Variants in PTPRD observed in about 807,000 individuals in gnomAD.
PTPRD encodes the protein protein tyrosine phosphatase receptor type D, also known as receptor-type tyrosine-protein phosphatase delta.
In PTPRD, 34 loss-of-function variants were observed where a neutral mutation model predicts 214.5. The observed-to-expected ratio is 0.16, with a 90% CI of 0.12 to 0.21. The LOEUF is 0.21. Among genes scored for constraint, PTPRD ranks in the 10% least tolerant of loss-of-function variants. The pLI is 1.00. For missense variants in PTPRD, 2,545 were observed against 2,398.7 expected (o/e 1.06, Z -1.27); for synonymous variants, 1,128 against 845.7 (o/e 1.33, Z -5.79).
intron 9 of PTPRD, among the ~76,000 whole-genome samples, chr9:9,373,772 G>T (rs1239369192): frequency 1.3e-5 from 2 of 152,042 alleles, no homozygotes; most frequent in African/African-American, 4.8e-5. Flanking sequence ...GACTATGCAG[G>T]GTGAAATTCA....
chr9:8,754,133 A>C (rs772996465), intron 11 of PTPRD, among the ~76,000 whole-genome samples: 8 of 151,416 alleles, frequency 5.3e-5, no homozygotes, highest in Non-Finnish European at 1.2e-4. Flanking sequence ...TGACAGAGCG[A>C]GACTCCATCT....
At chr9:8,726,040 C>G (rs1482255021) in intron 12 of PTPRD, among the ~76,000 whole-genome samples, 1 of 147,560 alleles carries the variant, frequency 6.8e-6, no homozygotes, top group Non-Finnish European at 1.5e-5. Flanking sequence ...CACACACACA[C>G]ACACACACAC....
rs148036640 is a variant in PTPRD at position 8,339,000 on chromosome 9, C to T, written c.5301G>A (p.Gln1767=). The T allele has an allele frequency of 2.0e-5, 32 of 1,612,398 alleles. No homozygotes were observed. The African/African-American group carries it at 4.0e-4, about 20-fold the overall frequency. The stretch of plus-strand genomic sequence containing the variant: ...CAGCCATGGGATCTACAACAAAGTA[C>T]TGGTATCTTGCAGACCGTTCTGCTG... ...YWPAERSARY[Q]YFVVDPMAEY... is the part of the protein sequence containing the mutation. Residue 1767 remains glutamine (Q), a synonymous_variant, in exon 43 of 46, where the codon CAG becomes CAA. Coordinates refer to ENST00000381196, the MANE Select transcript of PTPRD (RefSeq NM_002839.4).
chr9:9,568,643 C>G lies in PTPRD; in HGVS notation c.-237+6089G>C, dbSNP rs111856623. Among the ~76,000 whole-genome samples, 91 of 151,990 alleles carry G rather than the reference C, an allele frequency of 6.0e-4. 1 individual carries two copies. Among genetic ancestry groups the G allele is most frequent in the Middle Eastern group, 3.4e-3 (1 of 294 alleles). ...TTTATAGGTTTTCCTACATGCTTTC[C>G]TCTATGACGTTTACACATTTTTTTA... On this transcript the variant is annotated intron_variant, in intron 8 of 45. Coordinates refer to ENST00000381196, the MANE Select transcript of PTPRD (RefSeq NM_002839.4).
In PTPRD at chr9:10,006,934, A is replaced by T. The variant is rs986385315; in HGVS notation, c.-472+26784T>A. 2.6e-5 allele frequency among the ~76,000 whole-genome samples: 4 copies of T among 152,036 alleles called. No individual in the cohort carries two copies. The East Asian group carries it at 7.7e-4, about 29-fold the overall frequency. ...AAAATTTCTTTTAAAATTATTTTCC[A>T]ATAATAATAATGTTATTGCTGGTAT... On this transcript the variant is annotated intron_variant, in intron 4 of 45. Coordinates refer to ENST00000381196, the MANE Select transcript of PTPRD (RefSeq NM_002839.4).
chr9:9,433,278 A>G (rs1346388634), intron 8 of PTPRD, among the ~76,000 whole-genome samples: 1 of 152,162 alleles, frequency 6.6e-6, no homozygotes, highest in African/African-American at 2.4e-5. Context: ...AAGCTTATTG[A>G]AGTGTTGATC....
intron 14 of PTPRD, among the ~76,000 whole-genome samples, chr9:8,556,426 G>A (rs1006589153): frequency 6.6e-6 from 1 of 152,114 alleles, no homozygotes; most frequent in African/African-American, 2.4e-5. Context: ...GGCCAATCAT[G>A]GACTTTCTAA....
At chr9:9,247,468 T>C (rs770823131) in intron 9 of PTPRD, among the ~76,000 whole-genome samples, 1 of 152,116 alleles carries the variant, frequency 6.6e-6, no homozygotes, top group Non-Finnish European at 1.5e-5. Context: ...TTTTTTCCTG[T>C]TAACCATCTT....
intron 2 of PTPRD, among the ~76,000 whole-genome samples, chr9:10,483,150 C>T (rs2099111345): frequency 6.6e-6 from 1 of 152,220 alleles, no homozygotes; most frequent in Non-Finnish European, 1.5e-5. Context: ...ACCAACTGAT[C>T]ATCAACAAAT....
chr9:8,904,549 G>C (rs923978051), intron 11 of PTPRD, among the ~76,000 whole-genome samples: 2 of 151,838 alleles, frequency 1.3e-5, no homozygotes, highest in African/African-American at 4.8e-5. Flanking sequence ...GCGCATGCCT[G>C]TAGTCCCAGC....
intron 8 of PTPRD, among the ~76,000 whole-genome samples, chr9:9,534,220 T>C (rs965285828): frequency 7.2e-5 from 11 of 152,136 alleles, no homozygotes; most frequent in Non-Finnish European, 1.3e-4. Context: ...CTATAAAATA[T>C]GATGAGAAAT....
At position 8,316,109 on chromosome 9, in the gene PTPRD, T is replaced by C. The variant is rs139671444; in HGVS notation, c.*1765A>G. The C allele has an allele frequency of 1.3e-5, 3 of 229,626 alleles. No individual in the cohort carries two copies. The highest frequency in any genetic ancestry group is 2.2e-5 in the African/African-American group (1 of 45,088). The allele number at this position is 229,626 out of a possible 1,614,324, so 14.2% of individuals were successfully genotyped here. The stretch of plus-strand genomic sequence containing the variant: ...ATAAAACAAGTAGCTTTTTCTGATG[T>C]TGATGATTGATTATAAAAGGAAGAA... On this transcript the variant is annotated 3_prime_UTR_variant, in exon 46 of 46. Transcript: ENST00000381196.
At chr9:9,585,743 G>A (rs778456263) in intron 7 of PTPRD, among the ~76,000 whole-genome samples, 13 of 152,008 alleles carry the variant, frequency 8.6e-5, no homozygotes, top group African/African-American at 2.2e-4. Context: ...ATGTGAATAC[G>A]TAGGTACTAT....
chr9:8,484,121 T>A lies in PTPRD; in HGVS notation c.3411A>T (p.Ile1137=), dbSNP rs769526067. 1 of 1,612,996 alleles carries A rather than the reference T, an allele frequency of 6.2e-7. No homozygotes were observed. The highest frequency in any genetic ancestry group is 2.2e-5 in the East Asian group (1 of 44,824). Residue 1137 remains isoleucine (I), a splice_region_variant and synonymous_variant, in exon 30 of 46, where the codon ATA becomes ATT. Transcript: ENST00000381196. ...QLPEVPANEN[I]KGYYIIIVPL... ...CCCTAAGCCTTCAATCAACTTACTT[T>A]ATATTCTCATTTGCAGGTACTTCAG...
intron 5 of PTPRD, among the ~76,000 whole-genome samples, chr9:9,872,269 A>G (rs1417424445): frequency 6.6e-6 from 1 of 152,166 alleles, no homozygotes; most frequent in African/African-American, 2.4e-5. Flanking sequence ...TATAGGATCC[A>G]TGTCACCCTG....
intron 3 of PTPRD, among the ~76,000 whole-genome samples, chr9:10,253,816 C>T (rs922522869): frequency 2.6e-5 from 4 of 152,122 alleles, no homozygotes; most frequent in African/African-American, 9.7e-5. Context: ...GAATGAAATG[C>T]TTTTATTCAT....
At chr9:8,692,309 T>C (rs972819211) in intron 12 of PTPRD, among the ~76,000 whole-genome samples, 2 of 152,198 alleles carry the variant, frequency 1.3e-5, no homozygotes, top group African/African-American at 4.8e-5. Flanking sequence ...TACGGAGGCT[T>C]TGCTCCATGT....
chr9:9,573,315 T>C (rs10977848), intron 8 of PTPRD, among the ~76,000 whole-genome samples: 12,985 of 151,452 alleles, frequency 0.086, 615 homozygotes, highest in Middle Eastern at 0.12. Flanking sequence ...ATACTTCTTA[T>C]GTTCTGTATA....
chr9:9,443,959 A>G (rs1476676051), intron 8 of PTPRD, among the ~76,000 whole-genome samples: 2 of 152,196 alleles, frequency 1.3e-5, no homozygotes, highest in Non-Finnish European at 2.9e-5. Context: ...TTTGTCTACT[A>G]TACATAATGA....
Sources: allele counts gnomAD v4.1 joint callset (sites outside exome capture counted in the v4.1 genomes callset), GRCh38; gene constraint gnomAD v4.1.1; transcripts MANE v1.5; gene names NCBI Gene and HGNC (gene_info 2026-07-23, HGNC 2026-07-21).